The following METAP1D variants were observed in gnomAD, a reference collection of about 807,000 sequenced individuals.
METAP1D encodes the protein methionine aminopeptidase 1D, mitochondrial.
In METAP1D, 31 loss-of-function variants were observed where a neutral mutation model predicts 40.5. The ratio of observed to expected loss-of-function variants is 0.77; its 90% CI spans 0.58 to 1.03. The LOEUF is 1.03. METAP1D is among the 50% of genes least tolerant of loss of function. The pLI, the probability that METAP1D is intolerant of heterozygous loss-of-function variation, is 0.00. For synonymous variants in METAP1D, 151 were observed against 146.4 expected, an observed-to-expected ratio of 1.03 and a Z score of -0.22; for missense variants, 411 against 420.7, an observed-to-expected ratio of 0.98 and a Z score of 0.20.
rs991425304 is a variant in METAP1D, at chr2:172,070,917, A to G, written c.551A>G (p.Asn184Ser). The part of the protein sequence containing the change: ...IINIDVTVYY[N>S]GYHGDTSETF... ...TCTGCTTATGTTTAGGTCTATTACA[A>G]TGGCTACCATGGAGACACCTCTGAA... The change falls in exon 6 of 10, where the codon AAT becomes AGT. Residue 184 changes from asparagine to serine, a missense_variant. Asn to Ser is a conservative substitution (Grantham distance 46, BLOSUM62 1). Transcript: ENST00000315796. 1 of 1,608,462 alleles carries G rather than the reference A, an allele frequency of 6.2e-7. No individual in the cohort carries two copies. The highest frequency in any genetic ancestry group is 1.1e-5 in the South Asian group (1 of 90,110).
intron 1 of METAP1D, among the ~76,000 whole-genome samples, chr2:172,041,690 A>G (rs1689526974): frequency 9.9e-6 from 1 of 101,426 alleles, no homozygotes; most frequent in African/African-American, 3.1e-5. Context: ...CAGAATAAGA[A>G]TATAAAAACG....
At position 172,061,614 on chromosome 2, in the gene METAP1D, G is replaced by A; in HGVS notation, c.157G>A (p.Val53Ile). Reference sequence around the variant, plus strand: ...ACAAAGAGATATTTCACACAGTATAGTTTTGCCGGCTGCAGTTTCTTCAGC... The same window carrying A: ...ACAAAGAGATATTTCACACAGTATAATTTTGCCGGCTGCAGTTTCTTCAGC... ...RRQRDISHSIVLPAAVSSAHP... is the reference protein window; with the variant it reads ...RRQRDISHSIILPAAVSSAHP... The change falls in exon 2 of 10, where the codon GTT (valine) becomes ATT (isoleucine). Residue 53 changes from valine (V) to isoleucine (I), a missense_variant. Coordinates refer to ENST00000315796, the MANE Select transcript of METAP1D (RefSeq NM_199227.3). The A allele has an allele frequency of 6.2e-7, 1 of 1,613,380 alleles. No individual in the cohort carries two copies. The highest frequency in any genetic ancestry group is 1.1e-5 in the South Asian group (1 of 90,854).
At chr2:172,062,413 C>A (rs1050765828) in intron 2 of METAP1D, among the ~76,000 whole-genome samples, 1 of 152,206 alleles carries the variant, frequency 6.6e-6, no homozygotes, top group Non-Finnish European at 1.5e-5. Context: ...CTGGCCTGGC[C>A]ATCACAGTGA....
rs1690685796 is a variant in METAP1D, at chr2:172,080,725, C to G, written c.*319C>G. ...CCAAGAGAAGCACGGTTTTCTCTTT[C>G]CCTTGCCCTGACTGTTGGAGTAAAA... On this transcript the variant is annotated 3_prime_UTR_variant, in exon 10 of 10. Coordinates refer to ENST00000315796, the MANE Select transcript of METAP1D (RefSeq NM_199227.3). 2.6e-5 allele frequency: 13 copies of G among 495,682 alleles called. No homozygotes were observed. In the South Asian group the frequency reaches 2.7e-4, roughly 10 times the overall value. 30.7% of individuals were successfully genotyped at this position (495,682 alleles called of 1,614,324 possible). A position where few individuals can be genotyped will look rare whatever the true frequency, so the allele number is the denominator to read the frequency against.
rs1688417523 is a variant in METAP1D at position 171,999,965 on chromosome 2, C to A, written c.-5C>A. 3 of 1,370,026 alleles carry A rather than the reference C, an allele frequency of 2.2e-6. No homozygotes were observed. The highest frequency in any genetic ancestry group is 3.0e-5 in the African/African-American group (2 of 65,942). The allele number at this position is 1,370,026 out of a possible 1,614,324, so 84.9% of individuals were successfully genotyped here. A position where few individuals can be genotyped will look rare whatever the true frequency, so the allele number is the denominator to read the frequency against. On this transcript the variant is annotated 5_prime_UTR_variant, in exon 1 of 10. Coordinates refer to ENST00000315796, the MANE Select transcript of METAP1D (RefSeq NM_199227.3). ...AGTGCTCGCGGCCACGTGACCGACG[C>A]CAACATGGCGGCGCCCAGTGGCGTC...
intron 1 of METAP1D, among the ~76,000 whole-genome samples, chr2:172,016,848 C>A (rs1047868007): frequency 6.6e-6 from 1 of 151,898 alleles, no homozygotes; most frequent in African/African-American, 2.4e-5. Flanking sequence ...TCTCTAGGCC[C>A]TTTCCTCCTT....
chr2:172,033,646 G>A (rs1574106801), intron 1 of METAP1D, among the ~76,000 whole-genome samples: 1 of 152,006 alleles, frequency 6.6e-6, no homozygotes, highest in East Asian at 1.9e-4. Flanking sequence ...GTGAGCCACC[G>A]GGCCCAGCCC....
chr2:172,063,773 A>G lies in METAP1D; in HGVS notation c.261A>G (p.Glu87=), dbSNP rs1690188091. 6.2e-7 allele frequency: 1 copy of G among 1,614,068 alleles called. No homozygotes were observed. Among genetic ancestry groups the G allele is most frequent in the Non-Finnish European group, 8.5e-7 (1 of 1,180,034 alleles). The change falls in exon 3 of 10, where the codon GAA becomes GAG. Residue 87 remains glutamate (E), a synonymous_variant. Transcript: ENST00000315796. ...GIVPDWGDSI[E]VKNEDQIQGL... ...TACCAGACTGGGGAGACAGCATAGA[A>G]GTTAAGAATGAAGATCAGATTCAAG... is the stretch of plus-strand genomic sequence containing the variant.
At chr2:172,016,929 C>A (rs1688880838) in intron 1 of METAP1D, among the ~76,000 whole-genome samples, 1 of 152,030 alleles carries the variant, frequency 6.6e-6, no homozygotes, top group African/African-American at 2.4e-5. Flanking sequence ...CTAATTCCTG[C>A]TTGTTCTTGA....
At chr2:172,035,651 G>A (rs193270566) in intron 1 of METAP1D, among the ~76,000 whole-genome samples, 43 of 143,330 alleles carry the variant, frequency 3.0e-4, no homozygotes, top group Admixed American at 3.0e-3. Context: ...GTGTGATTTT[G>A]TTTGTTTGTT....
At chr2:172,040,746 C>CTTTTTTTTT (rs782267064) in intron 1 of METAP1D, among the ~76,000 whole-genome samples, 4 of 117,226 alleles carry the variant, frequency 3.4e-5, no homozygotes, top group Non-Finnish European at 5.0e-5. Flanking sequence ...TTCAGGCCCT[C>CTTTTTTTTT]TTTTTTTTTT....
chr2:172,070,851 T>G, intron 5 of METAP1D, 56 bp from the exon 6 acceptor site: 1 of 1,445,102 alleles, frequency 6.9e-7, no homozygotes, highest in Non-Finnish European at 9.4e-7. Context: ...AATGTATACT[T>G]TAGGAAAGTA....
At chr2:172,071,421 G>T (rs562809502) in intron 6 of METAP1D, among the ~76,000 whole-genome samples, 4 of 152,148 alleles carry the variant, frequency 2.6e-5, no homozygotes, top group African/African-American at 9.6e-5. Context: ...TCAACCCTGG[G>T]GTTTTTAATA....
In METAP1D at chr2:172,071,069, A is replaced by G. The variant is rs143265099; in HGVS notation, c.703A>G (p.Ser235Gly). 2 of 1,607,546 alleles carry G rather than the reference A, an allele frequency of 1.2e-6. No individual in the cohort carries two copies. Among genetic ancestry groups the G allele is most frequent in the African/African-American group, 1.3e-5 (1 of 74,610 alleles). ...APFSVIGNTI[S>G]HITHQNGFQV... is the part of the protein sequence containing the mutation. Reference sequence around the variant, plus strand: ...CTTCTCTGTAATTGGAAACACAATCAGGTAAGCCTTACATTGACAAGTAAA... The same window carrying G: ...CTTCTCTGTAATTGGAAACACAATCGGGTAAGCCTTACATTGACAAGTAAA... Residue 235 changes from serine (S) to glycine (G), a missense_variant and splice_region_variant, in exon 6 of 10, where the codon AGC becomes GGC. Transcript: ENST00000315796.
At chr2:172,017,331 G>GTGTATATATGTGTATATATAGGTATATA in intron 1 of METAP1D, among the ~76,000 whole-genome samples, 1 of 149,004 alleles carries the variant, frequency 6.7e-6, no homozygotes, top group African/African-American at 2.5e-5. Flanking sequence ...ACATATATAT[G>GTGTATATATGTGTATATATAGGTATATA]TGTATATATA....
At position 172,036,186 on chromosome 2, in the gene METAP1D, G is replaced by A. The variant is rs746929659; in HGVS notation, c.41-25312G>A. On this transcript the variant is annotated intron_variant, in intron 1 of 9. Coordinates refer to ENST00000315796, the MANE Select transcript of METAP1D (RefSeq NM_199227.3). ...CAAAAAGTTAGCTGGGCGTGGTGGC[G>A]GGTGCCTGTAGTCCCAGCTACTTGG... Among the ~76,000 whole-genome samples, 60 of 150,762 alleles carry A rather than the reference G, an allele frequency of 4.0e-4. 1 individual carries two copies. The South Asian group carries it at 4.9e-3, about 12-fold the overall frequency.
chr2:172,080,616 C>CA lies in METAP1D; in HGVS notation c.*213dup. On this transcript the variant is annotated 3_prime_UTR_variant, in exon 10 of 10. Coordinates refer to ENST00000315796, the MANE Select transcript of METAP1D (RefSeq NM_199227.3). ...CTGGGGTCGCGCGGCTTTGGAAAAA[C>CA]AAATCCTGGCCCTGGACTCGGTTTC... The CA allele has an allele frequency of 1.6e-6, 1 of 614,034 alleles. No individual in the cohort carries two copies. Among genetic ancestry groups the CA allele is most frequent in the Non-Finnish European group, 2.9e-6 (1 of 348,786 alleles). 38.0% of individuals were successfully genotyped at this position (614,034 alleles called of 1,614,324 possible). A position where few individuals can be genotyped will look rare whatever the true frequency, so the allele number is the denominator to read the frequency against.
intron 1 of METAP1D, among the ~76,000 whole-genome samples, chr2:172,059,039 A>G (rs1227215238): frequency 2.0e-5 from 3 of 151,712 alleles, no homozygotes; most frequent in African/African-American, 7.3e-5. Flanking sequence ...CGCCTCCATC[A>G]CCAGTTTCTA....
At chr2:172,020,070 G>A (rs141111754) in intron 1 of METAP1D, among the ~76,000 whole-genome samples, 7 of 152,164 alleles carry the variant, frequency 4.6e-5, no homozygotes, top group Admixed American at 1.3e-4. Flanking sequence ...TTGGCTTGTC[G>A]CAACCTCCCG....
Sources: gnomAD v4.1 joint callset for allele counts (sites outside exome capture counted in the v4.1 genomes callset) on GRCh38, gnomAD v4.1.1 for gene constraint, MANE v1.5 for transcripts, NCBI Gene and HGNC (gene_info 2026-07-23, HGNC 2026-07-21) for gene names.